Variants in RGMB observed in about 807,000 individuals in gnomAD.
RGMB encodes the protein repulsive guidance molecule BMP co-receptor b.
RGMB carries 16 observed loss-of-function variants against 26.9 expected under a neutral mutation model. That is an observed-to-expected ratio of 0.60 (90% CI 0.40 to 0.90). The LOEUF (loss-of-function observed/expected upper bound fraction) is 0.90, where lower values mean the gene tolerates loss of function less well. Ranked by LOEUF, RGMB falls within the 40% of genes least tolerant of loss-of-function variation. The probability of loss-of-function intolerance (pLI) is 0.00; values close to 1 mark genes in which losing one functional copy is unlikely to be tolerated. For synonymous variants in RGMB, 225 were observed against 229.3 expected (o/e 0.98, Z 0.17); for missense variants, 512 against 573.3 (o/e 0.89, Z 1.09).
At chr5:98,792,623 C>T (rs1219536419) in intron 2 of RGMB, among the ~76,000 whole-genome samples, 1 of 118,622 alleles carries the variant, frequency 8.4e-6, no homozygotes, top group African/African-American at 3.2e-5. Context: ...TTTTTTAAAT[C>T]AGCCACGCAT....
Position 98,774,175 on chromosome 5 carries a change from GC to G in RGMB, c.106del (p.Leu36CysfsTer31). ...CCCCGCCGCTGGAGCTGCTGCTGCT[GC>G]TGCTGTTCAGCCTCGGGCTGCTCCA... ...CPPPLELLLL[L>X]LFSLGLLHAG... On this transcript the variant is annotated frameshift_variant, in exon 1 of 3. Coordinates refer to ENST00000513185, the MANE Select transcript of RGMB (RefSeq NM_001366508.1). LOFTEE classifies it high-confidence loss of function. The G allele has an allele frequency of 6.7e-7, 1 of 1,499,568 alleles. No homozygotes were observed. Among genetic ancestry groups the G allele is most frequent in the African/African-American group, 1.4e-5 (1 of 68,998 alleles). The allele number at this position is 1,499,568 out of a possible 1,614,324, so 92.9% of individuals were successfully genotyped here. A position where few individuals can be genotyped will look rare whatever the true frequency, so the allele number is the denominator to read the frequency against.
At position 98,793,961 on chromosome 5, in the gene RGMB, T is replaced by A; in HGVS notation, c.*208T>A. On this transcript the variant is annotated 3_prime_UTR_variant, in exon 3 of 3. Transcript: ENST00000513185. ...TAGTGTTCTTTGATTGTATCAATTT[T>A]GTTTTGCAGTTCTGTGAAATGTTTT... 1 of 485,814 alleles carries A rather than the reference T, an allele frequency of 2.1e-6. No homozygotes were observed. Among genetic ancestry groups the A allele is most frequent in the Non-Finnish European group, 3.6e-6 (1 of 279,994 alleles). The allele number at this position is 485,814 out of a possible 1,614,324, so 30.1% of individuals were successfully genotyped here.
At position 98,796,346 on chromosome 5, in the gene RGMB, C is replaced by CCCG. The variant is rs1747127155; in HGVS notation, c.*2594_*2595insCGC. 6.9e-6 allele frequency: 1 copy of CCCG among 145,318 alleles called. No individual in the cohort carries two copies. Among genetic ancestry groups the CCCG allele is most frequent in the African/African-American group, 2.6e-5 (1 of 38,016 alleles). The allele number at this position is 145,318 out of a possible 1,614,324, so 9.0% of individuals were successfully genotyped here. A position where few individuals can be genotyped will look rare whatever the true frequency, so the allele number is the denominator to read the frequency against. On this transcript the variant is annotated 3_prime_UTR_variant, in exon 3 of 3. Transcript: ENST00000513185. ...GTTATGCTTGGAAGCTCCCCCCCCCCCAACAGTGTGTCGAGTCTTTGCAAA... is the reference window on the plus strand; with the variant it reads ...GTTATGCTTGGAAGCTCCCCCCCCCCCCGCAACAGTGTGTCGAGTCTTTGCAAA...
rs781474074 is a variant in RGMB at position 98,793,615 on chromosome 5, G to A, written c.1176G>A (p.Leu392=). ...ANFTAAAHSA[L]EDVEALHPRK... Reference sequence around the variant, plus strand: ...TTACTGCCGCAGCCCACAGTGCCTTGGAGGATGTGGAGGCCCTGCACCCAA... The same window carrying A: ...TTACTGCCGCAGCCCACAGTGCCTTAGAGGATGTGGAGGCCCTGCACCCAA... The change falls in exon 3 of 3, where the codon TTG becomes TTA. Residue 392 remains leucine (L), a synonymous_variant. Transcript: ENST00000513185. The A allele has an allele frequency of 5.6e-6, 9 of 1,614,026 alleles. No homozygotes were observed. In the South Asian group the frequency reaches 9.9e-5, roughly 18 times the overall value.
At chr5:98,783,479 C>G (rs988194341) in intron 2 of RGMB, among the ~76,000 whole-genome samples, 3 of 152,160 alleles carry the variant, frequency 2.0e-5, no homozygotes, top group Non-Finnish European at 4.4e-5. Flanking sequence ...TTCACAGGCT[C>G]CAGAGAGGGC....
intron 2 of RGMB, among the ~76,000 whole-genome samples, chr5:98,783,270 A>G (rs1286622322): frequency 6.6e-6 from 1 of 152,164 alleles, no homozygotes; most frequent in Non-Finnish European, 1.5e-5. Context: ...CGGGGGCTGC[A>G]GGGGTGTCTG....
chr5:98,787,592 G>T (rs934037456), intron 2 of RGMB, among the ~76,000 whole-genome samples: 15 of 152,328 alleles, frequency 9.8e-5, no homozygotes, highest in African/African-American at 3.6e-4. Context: ...CATATAGTGA[G>T]TTCCTACACT....
At chr5:98,787,835 C>G (rs193157357) in intron 2 of RGMB, among the ~76,000 whole-genome samples, 1 of 152,260 alleles carries the variant, frequency 6.6e-6, no homozygotes, top group Non-Finnish European at 1.5e-5. Context: ...TGTGCCTGTT[C>G]CTTTTATGTG....
rs555573956 is a variant in RGMB at position 98,795,387 on chromosome 5, A to G, written c.*1634A>G. ...TTGCCATGTCCTATTGATCAGTGAC[A>G]CTGCCAGAGGCCCATACCGGCAAGA... On this transcript the variant is annotated 3_prime_UTR_variant, in exon 3 of 3. Coordinates refer to ENST00000513185, the MANE Select transcript of RGMB (RefSeq NM_001366508.1). 1.3e-5 allele frequency: 2 copies of G among 152,370 alleles called. No homozygotes were observed. The highest frequency in any genetic ancestry group is 6.5e-5 in the Admixed American group (1 of 15,304). 9.4% of individuals were successfully genotyped at this position (152,370 alleles called of 1,614,324 possible).
upstream of RGMB, chr5:98,770,370 T>G (rs1366211612): frequency 1.2e-4 from 45 of 385,030 alleles, no homozygotes; most frequent in Non-Finnish European, 4.6e-6. Context: ...TGCACTGGTT[T>G]CCTGAGATAA....
rs541663483 is a variant in RGMB at position 98,773,892 on chromosome 5, G to T, written c.-179G>T. The T allele has an allele frequency of 2.5e-5, 13 of 518,538 alleles. No individual in the cohort carries two copies. In the African/African-American group the frequency reaches 2.7e-4, roughly 11 times the overall value. 32.1% of individuals were successfully genotyped at this position (518,538 alleles called of 1,614,324 possible). A position where few individuals can be genotyped will look rare whatever the true frequency, so the allele number is the denominator to read the frequency against. On this transcript the variant is annotated 5_prime_UTR_variant, in exon 1 of 3. Transcript: ENST00000513185. ...GCTGCTGCCGCCGCGGACTGGCTGCGCCGGCTGCGCGCTGCTTGCTGCGGC... is the reference window on the plus strand; with the variant it reads ...GCTGCTGCCGCCGCGGACTGGCTGCTCCGGCTGCGCGCTGCTTGCTGCGGC...
In RGMB at chr5:98,773,667, A is replaced by T; in HGVS notation, c.-404A>T. 2 of 348,694 alleles carry T rather than the reference A, an allele frequency of 5.7e-6. No individual in the cohort carries two copies. The highest frequency in any genetic ancestry group is 1.0e-5 in the Non-Finnish European group (2 of 194,368). The allele number at this position is 348,694 out of a possible 1,614,324, so 21.6% of individuals were successfully genotyped here. On this transcript the variant is annotated 5_prime_UTR_variant, in exon 1 of 3. Transcript: ENST00000513185. ...ATCGACCGCGGGGGCTGCCGCGCAGAGATATCCGGGCCGCCGGTGGGTGGT... is the reference window on the plus strand; with the variant it reads ...ATCGACCGCGGGGGCTGCCGCGCAGTGATATCCGGGCCGCCGGTGGGTGGT...
upstream of RGMB, chr5:98,773,559 A>C (rs1184966871): frequency 4.9e-5 from 9 of 181,986 alleles, no homozygotes; most frequent in Non-Finnish European, 7.8e-5. Flanking sequence ...ATGGGGAGGA[A>C]GGGAGGGACA....
intron 2 of RGMB, among the ~76,000 whole-genome samples, chr5:98,781,824 T>C (rs1259174618): frequency 1.3e-5 from 2 of 152,242 alleles, no homozygotes; most frequent in African/African-American, 2.4e-5. Flanking sequence ...GGTGAAAATA[T>C]GTGGGGGATA....
chr5:98,783,202 T>G (rs1746663267), intron 2 of RGMB, among the ~76,000 whole-genome samples: 1 of 152,232 alleles, frequency 6.6e-6, no homozygotes, highest in African/African-American at 2.4e-5. Context: ...TTGGCTACCT[T>G]GCCAGGTAGA....
At chr5:98,786,500 A>C (rs915716417) in intron 2 of RGMB, among the ~76,000 whole-genome samples, 1 of 152,148 alleles carries the variant, frequency 6.6e-6, no homozygotes, top group Admixed American at 6.5e-5. Context: ...GAAGCATTGG[A>C]TGTTTGGTCC....
intron 2 of RGMB, chr5:98,792,823 G>A: frequency 3.5e-6 from 1 of 284,104 alleles, no homozygotes; most frequent in African/African-American, 2.2e-5. Flanking sequence ...CTGCTCACTT[G>A]CTCACTCTTT....
intron 2 of RGMB, among the ~76,000 whole-genome samples, chr5:98,792,645 C>G (rs1746967390): frequency 7.6e-6 from 1 of 132,112 alleles, no homozygotes; most frequent in Non-Finnish European, 1.5e-5. Context: ...GTGGTATATG[C>G]CCTTAGTCCT....
At chr5:98,772,396 G>A (rs2112329009), upstream of RGMB, among the ~76,000 whole-genome samples, 1 of 152,310 alleles carries the variant, frequency 6.6e-6, no homozygotes, top group East Asian at 1.9e-4. Flanking sequence ...CCATTGATTA[G>A]CTCATTTAAA....
Sources: allele counts gnomAD v4.1 joint callset (sites outside exome capture counted in the v4.1 genomes callset), GRCh38; gene constraint gnomAD v4.1.1; transcripts MANE v1.5; gene names NCBI Gene and HGNC (gene_info 2026-07-23, HGNC 2026-07-21).